The following SSBP2 variants were observed in gnomAD, a reference collection of about 807,000 sequenced individuals.
SSBP2 encodes single stranded DNA binding protein 2, also known as single-stranded DNA-binding protein 2.
A neutral mutation model predicts 61.8 loss-of-function variants in SSBP2; 17 were observed. The observed-to-expected ratio is 0.28, with a 90% confidence interval of 0.19 to 0.41. The LOEUF is 0.41. Ranked by LOEUF, SSBP2 falls within the 10% of genes least tolerant of loss-of-function variation. SSBP2 has a pLI of 1.00. For synonymous variants in SSBP2, 139 were observed against 141.3 expected (o/e 0.98, Z 0.12); for missense variants, 310 against 458.7 (o/e 0.68, Z 2.96).
At chr5:81,545,919 T>C (rs1257842247) in intron 4 of SSBP2, among the ~76,000 whole-genome samples, 4 of 152,212 alleles carry the variant, frequency 2.6e-5, no homozygotes, top group Non-Finnish European at 4.4e-5. Context: ...ACTCCATTCT[T>C]GGTGAGCTAG....
intron 1 of SSBP2, among the ~76,000 whole-genome samples, chr5:81,665,137 T>C (rs1377611750): frequency 6.6e-6 from 1 of 152,204 alleles, no homozygotes; most frequent in Non-Finnish European, 1.5e-5. Flanking sequence ...TTTAAATCTA[T>C]AAATTGCTTT....
chr5:81,531,160 C>T (rs952929596), intron 4 of SSBP2, among the ~76,000 whole-genome samples: 1 of 150,694 alleles, frequency 6.6e-6, no homozygotes, highest in African/African-American at 2.4e-5. Flanking sequence ...ATCACTTGAG[C>T]CCAGGAGGTC....
intron 16 of SSBP2, 73 bp from the exon 17 acceptor site, chr5:81,420,606 A>C (rs373347030): frequency 4.3e-5 from 53 of 1,223,294 alleles, no homozygotes; most frequent in Non-Finnish European, 5.8e-5. Context: ...TTGGTACAAC[A>C]GAAACGATGA....
chr5:81,582,983 G>A (rs1448192642), intron 4 of SSBP2, among the ~76,000 whole-genome samples: 2 of 152,150 alleles, frequency 1.3e-5, no homozygotes, highest in African/African-American at 2.4e-5. Context: ...CACTTTGGGA[G>A]GCCAAGGCAG....
In SSBP2 at chr5:81,416,499, C is replaced by T. The variant is rs1761316906; in HGVS notation, c.*4005G>A. 1 of 152,174 alleles carries T rather than the reference C, an allele frequency of 6.6e-6. No individual in the cohort carries two copies. The highest frequency in any genetic ancestry group is 2.4e-5 in the African/African-American group (1 of 41,396). 9.4% of individuals were successfully genotyped at this position (152,174 alleles called of 1,614,324 possible). On this transcript the variant is annotated 3_prime_UTR_variant, in exon 17 of 17. Coordinates refer to ENST00000320672, the MANE Select transcript of SSBP2 (RefSeq NM_012446.5). ...ATTGGGAGGGAGGCAAGGATAAAGC[C>T]ACGGAAGAAGTAATCAAGACTTCAT...
At chr5:81,728,140 GTC>G (rs1261195154) in intron 1 of SSBP2, among the ~76,000 whole-genome samples, 4 of 152,180 alleles carry the variant, frequency 2.6e-5, no homozygotes, top group African/African-American at 9.6e-5. Flanking sequence ...ACCACCGTTA[GTC>G]TAAGTTTTAT....
chr5:81,656,125 C>T (rs1750187314), intron 1 of SSBP2, among the ~76,000 whole-genome samples: 1 of 152,110 alleles, frequency 6.6e-6, no homozygotes, highest in African/African-American at 2.4e-5. Context: ...GATCTTGGCT[C>T]ACTGCAACCT....
chr5:81,461,205 T>G, intron 9 of SSBP2, 102 bp from the exon 10 acceptor site: 1 of 879,344 alleles, frequency 1.1e-6, no homozygotes, highest in Non-Finnish European at 1.6e-6. Context: ...TCAGTTACTA[T>G]GCAGTTCTAG....
In SSBP2 at chr5:81,450,426, T is replaced by C. The variant is rs1277772858; in HGVS notation, c.688-1601A>G. Among the ~76,000 whole-genome samples, 4 of 152,190 alleles carry C rather than the reference T, an allele frequency of 2.6e-5. No individual in the cohort carries two copies. The South Asian group carries it at 8.3e-4, about 32-fold the overall frequency. ...CTCTCTGTCTTTAGCACTTGGCTCA[T>C]GTTCTTCTGTCACTCTATATTGCCT... On this transcript the variant is annotated intron_variant, in intron 10 of 16. Coordinates refer to ENST00000320672, the MANE Select transcript of SSBP2 (RefSeq NM_012446.5).
chr5:81,683,048 G>A (rs1253503836), intron 1 of SSBP2, among the ~76,000 whole-genome samples: 2 of 150,344 alleles, frequency 1.3e-5, no homozygotes, highest in Non-Finnish European at 3.0e-5. Context: ...CCATGTTCAT[G>A]GAGAGGAAGA....
chr5:81,420,330 C>T lies in SSBP2; in HGVS notation c.*174G>A, dbSNP rs147233991. On this transcript the variant is annotated 3_prime_UTR_variant, in exon 17 of 17. Coordinates refer to ENST00000320672, the MANE Select transcript of SSBP2 (RefSeq NM_012446.5). ...CCACTCCGTACAGTTGTTTGAATCA[C>T]ATTTGGACCCGCTTTCTTCACAAAA... The T allele has an allele frequency of 1.4e-3, 893 of 640,916 alleles. 17 individuals are homozygous for T. In the East Asian group the frequency reaches 0.022, roughly 16 times the overall value. The allele number at this position is 640,916 out of a possible 1,614,324, so 39.7% of individuals were successfully genotyped here. A position where few individuals can be genotyped will look rare whatever the true frequency, so the allele number is the denominator to read the frequency against.
intron 1 of SSBP2, among the ~76,000 whole-genome samples, chr5:81,708,670 C>G (rs1754564032): frequency 4.7e-5 from 1 of 21,084 alleles, no homozygotes; most frequent in Non-Finnish European, 7.1e-5. Context: ...TCAACTCTCC[C>G]TGAAAAATCC....
At chr5:81,629,871 A>G (rs1358481089) in intron 3 of SSBP2, among the ~76,000 whole-genome samples, 1 of 152,130 alleles carries the variant, frequency 6.6e-6, no homozygotes, top group Non-Finnish European at 1.5e-5. Context: ...AAGAACATTT[A>G]AGATCTACTC....
intron 4 of SSBP2, among the ~76,000 whole-genome samples, chr5:81,572,023 A>G (rs1017698162): frequency 6.6e-6 from 1 of 152,152 alleles, no homozygotes; most frequent in African/African-American, 2.4e-5. Flanking sequence ...TAAATTAAAG[A>G]GCTCCAAGAA....
chr5:81,500,883 G>A (rs1395090857), intron 5 of SSBP2, among the ~76,000 whole-genome samples: 1 of 151,750 alleles, frequency 6.6e-6, no homozygotes, highest in African/African-American at 2.4e-5. Context: ...AATTCAAATT[G>A]CACAAATTAA....
intron 4 of SSBP2, among the ~76,000 whole-genome samples, chr5:81,561,183 CT>C (rs1201102030): frequency 6.6e-6 from 1 of 152,074 alleles, no homozygotes; most frequent in East Asian, 1.9e-4. Flanking sequence ...AAGAATGTTT[CT>C]TTTTTGTTTT....
intron 6 of SSBP2, among the ~76,000 whole-genome samples, chr5:81,478,743 T>C (rs910888411): frequency 6.6e-6 from 1 of 152,188 alleles, no homozygotes; most frequent in Non-Finnish European, 1.5e-5. Context: ...AGCGCTGGGA[T>C]TATAGGTGTA....
At chr5:81,718,510 G>A (rs1216203608) in intron 1 of SSBP2, among the ~76,000 whole-genome samples, 2 of 152,242 alleles carry the variant, frequency 1.3e-5, no homozygotes, top group Admixed American at 1.3e-4. Context: ...TCAAGCTGCC[G>A]AGGTGGGAAA....
upstream of SSBP2, chr5:81,751,561 G>T (rs980524977): frequency 1.9e-5 from 2 of 105,058 alleles, no homozygotes; most frequent in Non-Finnish European, 3.8e-5. Flanking sequence ...CCCAGACTTC[G>T]GGGCGCCCGC....
Sources: gnomAD v4.1 joint callset for allele counts (sites outside exome capture counted in the v4.1 genomes callset) on GRCh38, gnomAD v4.1.1 for gene constraint, MANE v1.5 for transcripts, NCBI Gene and HGNC (gene_info 2026-07-23, HGNC 2026-07-21) for gene names.